PAMR1: variants seen among roughly 807,000 people sequenced by gnomAD.
PAMR1 encodes the protein peptidase domain containing associated with muscle regeneration 1, also known as inactive serine protease PAMR1.
Under a neutral mutation model 81.8 loss-of-function variants are expected in PAMR1, and 88 were observed. That is an observed-to-expected ratio of 1.08 (90% CI 0.91 to 1.28). The LOEUF is 1.28. Ranked by LOEUF, PAMR1 falls within the 50% of genes most tolerant of loss-of-function variation. The probability of loss-of-function intolerance (pLI) is 0.00; values close to 1 mark genes in which losing one functional copy is unlikely to be tolerated. For synonymous variants in PAMR1, 336 were observed against 345.3 expected (o/e 0.97, Z 0.30); for missense variants, 935 against 919.7 (o/e 1.02, Z -0.21).
At chr11:35,521,312 A>G (rs975562657) in intron 1 of PAMR1, among the ~76,000 whole-genome samples, 24 of 152,226 alleles carry the variant, frequency 1.6e-4, no homozygotes, top group African/African-American at 5.8e-4. Flanking sequence ...AGTCCTCAGC[A>G]GCTGAACTCC....
chr11:35,470,575 G>A, intron 5 of PAMR1, 26 bp downstream of exon 5: 2 of 1,557,630 alleles, frequency 1.3e-6, no homozygotes, highest in South Asian at 2.2e-5. Context: ...GCCATAAAAT[G>A]CCACATTTGT....
At chr11:35,492,235 A>G (rs17726212) in intron 2 of PAMR1, 62 bp from the exon 3 acceptor site, 75,003 of 1,582,310 alleles carry the variant, frequency 0.047, 1,950 homozygotes, top group Middle Eastern at 0.055. Flanking sequence ...GATCAGCTGC[A>G]TGGGAGCACA....
intron 1 of PAMR1, among the ~76,000 whole-genome samples, chr11:35,504,274 G>A (rs555543683): frequency 5.9e-5 from 9 of 152,076 alleles, no homozygotes; most frequent in South Asian, 4.2e-4. Flanking sequence ...AATTCAGTTC[G>A]CTAGCATTTT....
chr11:35,441,977 T>C (rs370572985), intron 6 of PAMR1, among the ~76,000 whole-genome samples: 1 of 152,240 alleles, frequency 6.6e-6, no homozygotes, highest in African/African-American at 2.4e-5. Flanking sequence ...CTCAAACTGT[T>C]GGAACTAGGC....
chr11:35,506,768 G>C (rs1442745615), intron 1 of PAMR1, among the ~76,000 whole-genome samples: 1 of 151,698 alleles, frequency 6.6e-6, no homozygotes, highest in African/African-American at 2.4e-5. Context: ...AGTTTGATTA[G>C]CATGTGCCTT....
intron 6 of PAMR1, among the ~76,000 whole-genome samples, chr11:35,443,932 T>C (rs906175130): frequency 6.6e-6 from 1 of 152,254 alleles, no homozygotes; most frequent in Non-Finnish European, 1.5e-5. Flanking sequence ...TGTGGTTATT[T>C]ACATTTCTCT....
chr11:35,433,003 C>CA, intron 10 of PAMR1, 111 bp from the exon 11 acceptor site: 2 of 888,432 alleles, frequency 2.3e-6, no homozygotes, highest in Non-Finnish European at 3.3e-6. Flanking sequence ...GAGGCAGCTA[C>CA]AATTATTTGG....
rs1282716801 is a variant in PAMR1 at position 35,432,910 on chromosome 11, G to C, written c.1627-18C>G. On this transcript the variant is annotated intron_variant, in intron 10 of 10. Coordinates refer to ENST00000619888, the MANE Select transcript of PAMR1 (RefSeq NM_001001991.3). ...GCAGAAATCTACAAATGCAAGGAAT[G>C]GGCAGCAATGGTGAGGAGCCAGCTC... 2.6e-6 allele frequency: 4 copies of C among 1,546,810 alleles called. No individual in the cohort carries two copies. The highest frequency in any genetic ancestry group is 2.6e-6 in the Non-Finnish European group (3 of 1,149,540).
chr11:35,475,399 T>C (rs1850267224), intron 3 of PAMR1, among the ~76,000 whole-genome samples: 1 of 152,070 alleles, frequency 6.6e-6, no homozygotes, highest in Non-Finnish European at 1.5e-5. Flanking sequence ...ACTCAATGTA[T>C]AAAAAAGGGG....
At chr11:35,527,550 T>C (rs893594318), upstream of PAMR1, among the ~76,000 whole-genome samples, 49 of 152,270 alleles carry the variant, frequency 3.2e-4, no homozygotes, top group Admixed American at 8.5e-4. Flanking sequence ...GGGCAGCATA[T>C]ACCTAAGAGG....
chr11:35,481,575 T>C (rs2094313885), intron 3 of PAMR1, among the ~76,000 whole-genome samples: 2 of 152,208 alleles, frequency 1.3e-5, no homozygotes, highest in African/African-American at 2.4e-5. Context: ...CAGGCTGGAG[T>C]GCAGTGGCAT....
At chr11:35,485,304 G>A (rs1292535485) in intron 3 of PAMR1, among the ~76,000 whole-genome samples, 2 of 152,210 alleles carry the variant, frequency 1.3e-5, no homozygotes, top group African/African-American at 4.8e-5. Context: ...GAGAGAGCCA[G>A]ATGTTGGAGA....
intron 1 of PAMR1, among the ~76,000 whole-genome samples, chr11:35,508,734 G>A (rs139361046): frequency 1.0e-5 from 1 of 97,774 alleles, no homozygotes; most frequent in Admixed American, 1.2e-4. Flanking sequence ...TTCCCTTGTG[G>A]AACACGTGGA....
chr11:35,436,941 A>G (rs1160068673), intron 8 of PAMR1, among the ~76,000 whole-genome samples: 1 of 152,196 alleles, frequency 6.6e-6, no homozygotes, highest in East Asian at 1.9e-4. Flanking sequence ...CATTATCATA[A>G]TGGGGCAATA....
chr11:35,516,123 T>G (rs1430819345), intron 1 of PAMR1, among the ~76,000 whole-genome samples: 1 of 152,176 alleles, frequency 6.6e-6, no homozygotes, highest in Non-Finnish European at 1.5e-5. Context: ...AGTCAACCTA[T>G]GATATAGACA....
At chr11:35,527,410 A>G (rs757136720), upstream of PAMR1, among the ~76,000 whole-genome samples, 1 of 152,212 alleles carries the variant, frequency 6.6e-6, no homozygotes, top group Non-Finnish European at 1.5e-5. Context: ...TATCTCTATT[A>G]TCTGACCTGA....
At chr11:35,485,228 A>C (rs996586023) in intron 3 of PAMR1, among the ~76,000 whole-genome samples, 1 of 152,188 alleles carries the variant, frequency 6.6e-6, no homozygotes, top group Admixed American at 6.5e-5. Flanking sequence ...CAAAAGAAAA[A>C]TTATGATAAC....
chr11:35,482,841 A>G (rs993643315), intron 3 of PAMR1, among the ~76,000 whole-genome samples: 27 of 151,948 alleles, frequency 1.8e-4, no homozygotes, highest in African/African-American at 5.6e-4. Flanking sequence ...CTGCTTGTCT[A>G]TTGTTGATGT....
Position 35,434,644 on chromosome 11 carries a change from A to G in PAMR1, c.1494T>C (p.Thr498=). The G allele has an allele frequency of 6.2e-7, 1 of 1,614,112 alleles. No individual in the cohort carries two copies. The highest frequency in any genetic ancestry group is 8.5e-7 in the Non-Finnish European group (1 of 1,180,010). ...TAACACAGTGGGCAGCCACCACCAC[A>G]GTGCGCTCATTCACCAGGGCACCGC... is the stretch of plus-strand genomic sequence containing the variant. ...VCSGALVNER[T]VVVAAHCVTD... is the part of the protein sequence containing the mutation. The change falls in exon 10 of 11, where the codon ACT becomes ACC. Residue 498 remains threonine, a synonymous_variant. Coordinates refer to ENST00000619888, the MANE Select transcript of PAMR1 (RefSeq NM_001001991.3).
Sources: gnomAD v4.1 joint callset for allele counts (sites outside exome capture counted in the v4.1 genomes callset) on GRCh38, gnomAD v4.1.1 for gene constraint, MANE v1.5 for transcripts, NCBI Gene and HGNC (gene_info 2026-07-23, HGNC 2026-07-21) for gene names.